The following TEK variants were observed in gnomAD, a reference collection of about 807,000 sequenced individuals.
The protein encoded by TEK is TEK receptor tyrosine kinase.
Under a neutral mutation model 131.8 loss-of-function variants are expected in TEK, and 43 were observed. The ratio of observed to expected loss-of-function variants is 0.33; its 90% CI spans 0.26 to 0.42. The LOEUF (loss-of-function observed/expected upper bound fraction) is 0.42. TEK is among the 10% of genes least tolerant of loss of function. TEK has a pLI of 1.00. For synonymous variants in TEK, 580 were observed against 491.6 expected, an observed-to-expected ratio of 1.18 and a Z score of -2.38; for missense variants, 1,162 against 1,384.4, an observed-to-expected ratio of 0.84 and a Z score of 2.55.
rs1012064047 is a variant in TEK, at chr9:27,114,463, C to T, written c.52+4821C>T. Among the ~76,000 whole-genome samples, 4 of 151,886 alleles carry T rather than the reference C, an allele frequency of 2.6e-5. No individual in the cohort carries two copies. In the East Asian group the frequency reaches 5.8e-4, roughly 22 times the overall value. ...GCATGTGCCTGTAATCCCAGCTACTCGGAAGGTTGAGGCAGGAAAATCTCT... is the reference window on the plus strand; with the variant it reads ...GCATGTGCCTGTAATCCCAGCTACTTGGAAGGTTGAGGCAGGAAAATCTCT... On this transcript the variant is annotated intron_variant, in intron 1 of 22. Transcript: ENST00000380036.
At chr9:27,206,334 G>A (rs563494249) in intron 14 of TEK, among the ~76,000 whole-genome samples, 12 of 152,286 alleles carry the variant, frequency 7.9e-5, no homozygotes, top group South Asian at 6.2e-4. Context: ...TCCTTCCTCC[G>A]TCACCCTTTA....
At chr9:27,174,666 G>C (rs1343131250) in intron 6 of TEK, among the ~76,000 whole-genome samples, 3 of 152,070 alleles carry the variant, frequency 2.0e-5, no homozygotes, top group Non-Finnish European at 2.9e-5. Flanking sequence ...TTACACAAAA[G>C]TAAGCTTCAG....
At chr9:27,143,304 C>T (rs1265454728) in intron 1 of TEK, among the ~76,000 whole-genome samples, 2 of 152,176 alleles carry the variant, frequency 1.3e-5, no homozygotes, top group African/African-American at 4.8e-5. Context: ...AATAAATAGC[C>T]TGACCACACT....
chr9:27,185,551 C>T lies in TEK; in HGVS notation c.1249C>T (p.Pro417Ser), dbSNP rs149712446. 10 of 1,613,842 alleles carry T rather than the reference C, an allele frequency of 6.2e-6. No homozygotes were observed. The East Asian group carries it at 6.7e-5, about 11-fold the overall frequency. Residue 417 changes from proline (P) to serine (S), a missense_variant, in exon 9 of 23, where the codon CCT (proline) becomes TCT (serine). Physicochemically the swap from Pro to Ser is moderately conservative, Grantham distance 74. Transcript: ENST00000380036. ...AIFTIHRILP[P>S]DSGVWVCSVN... The stretch of plus-strand genomic sequence containing the variant: ...ATTCACCATCCACCGGATCCTCCCC[C>T]CTGACTCAGGAGTTTGGGTCTGCAG...
chr9:27,150,831 T>A (rs1331703962), intron 1 of TEK, among the ~76,000 whole-genome samples: 1 of 151,200 alleles, frequency 6.6e-6, no homozygotes, highest in Non-Finnish European at 1.5e-5. Context: ...TCATTCTAAC[T>A]AACACATGTG....
chr9:27,119,320 T>TA (rs1215456720), intron 1 of TEK, among the ~76,000 whole-genome samples: 5 of 152,094 alleles, frequency 3.3e-5, no homozygotes, highest in Non-Finnish European at 5.9e-5. Context: ...GAAGACCTTT[T>TA]AAAAAAAATA....
At chr9:27,136,640 C>T (rs1349283357) in intron 1 of TEK, among the ~76,000 whole-genome samples, 2 of 152,094 alleles carry the variant, frequency 1.3e-5, no homozygotes, top group Non-Finnish European at 2.9e-5. Context: ...GTGAGTACAA[C>T]ACACTGAACT....
intron 2 of TEK, among the ~76,000 whole-genome samples, chr9:27,159,568 T>C (rs1823470126): frequency 6.6e-6 from 1 of 152,136 alleles, no homozygotes; most frequent in Non-Finnish European, 1.5e-5. Context: ...GCCGGAGGAT[T>C]TTGAAAGCCT....
At chr9:27,171,206 A>T (rs1453664265) in intron 4 of TEK, among the ~76,000 whole-genome samples, 1 of 152,208 alleles carries the variant, frequency 6.6e-6, no homozygotes, top group Non-Finnish European at 1.5e-5. Flanking sequence ...CACAAATAGA[A>T]AGAAAATGAT....
intron 19 of TEK, 83 bp from the exon 20 acceptor site, chr9:27,218,694 T>G: frequency 7.1e-7 from 1 of 1,402,686 alleles, no homozygotes; most frequent in South Asian, 1.2e-5. Flanking sequence ...TCAGAAAGGG[T>G]GGGTCTCCCT....
At position 27,229,336 on chromosome 9, in the gene TEK, T is replaced by C. The variant is rs1826472091; in HGVS notation, c.*104T>C. ...TGCCAAAGGATGTGATATATAAGTG[T>C]ACATATGTGCTGTACACCTGGGACC... On this transcript the variant is annotated 3_prime_UTR_variant, in exon 23 of 23. Transcript: ENST00000380036. 1 of 1,116,428 alleles carries C rather than the reference T, an allele frequency of 9.0e-7. No homozygotes were observed. The highest frequency in any genetic ancestry group is 1.4e-6 in the Non-Finnish European group (1 of 732,202). The allele number at this position is 1,116,428 out of a possible 1,614,324, so 69.2% of individuals were successfully genotyped here.
chr9:27,213,334 C>G (rs1374686371), intron 17 of TEK, 150 bp from the exon 18 acceptor site: 5 of 624,730 alleles, frequency 8.0e-6, no homozygotes, highest in South Asian at 6.9e-5. Context: ...AATCCATTAC[C>G]AGGGAATTTT....
intron 13 of TEK, among the ~76,000 whole-genome samples, chr9:27,204,692 TG>T (rs1178972595): frequency 2.1e-5 from 3 of 141,728 alleles, no homozygotes; most frequent in South Asian, 2.2e-4. Context: ...CACTTTTGCA[TG>T]TTTTTTTTTT....
intron 1 of TEK, among the ~76,000 whole-genome samples, chr9:27,141,849 A>G (rs755308911): frequency 3.9e-5 from 6 of 152,256 alleles, no homozygotes; most frequent in Admixed American, 6.5e-5. Flanking sequence ...TCTTTAATTA[A>G]AAAAGAAACA....
At chr9:27,228,133 CCT>C (rs1322306938) in intron 21 of TEK, 71 bp from the exon 22 acceptor site, 6 of 1,300,406 alleles carry the variant, frequency 4.6e-6, no homozygotes, top group Non-Finnish European at 6.6e-6. Context: ...TTCATTCTCT[CCT>C]CTCTTTTCCT....
At chr9:27,113,762 C>G (rs578182588) in intron 1 of TEK, among the ~76,000 whole-genome samples, 1 of 152,180 alleles carries the variant, frequency 6.6e-6, no homozygotes, top group East Asian at 1.9e-4. Flanking sequence ...AATCCTGTCT[C>G]TCAAACTTTG....
rs1316627977 is a variant in TEK, at chr9:27,218,718, G to GGAAAATGAGTGGT, written c.3063-50_3063-49insTGGTGAAAATGAG. On this transcript the variant is annotated intron_variant, in intron 19 of 22. Coordinates refer to ENST00000380036, the MANE Select transcript of TEK (RefSeq NM_000459.5). Reference sequence around the variant, plus strand: ...GTGGGTCTCCCTGGCTTTTGGGGCCGGAAAATGAGCGGTGACTCTGTTTGC... The same window carrying GGAAAATGAGTGGT: ...GTGGGTCTCCCTGGCTTTTGGGGCCGGAAAATGAGTGGTGAAAATGAGCGGTGACTCTGTTTGC... 2.5e-6 allele frequency: 4 copies of GGAAAATGAGTGGT among 1,602,374 alleles called. No homozygotes were observed. The African/African-American group carries it at 5.4e-5, about 21-fold the overall frequency.
intron 1 of TEK, among the ~76,000 whole-genome samples, chr9:27,141,978 T>G (rs1054127577): frequency 1.3e-5 from 2 of 152,220 alleles, no homozygotes; most frequent in African/African-American, 4.8e-5. Context: ...AGCTGCATCT[T>G]GGAAGAGATT....
chr9:27,120,305 T>C (rs963561737), intron 1 of TEK, among the ~76,000 whole-genome samples: 1 of 152,262 alleles, frequency 6.6e-6, no homozygotes, highest in Non-Finnish European at 1.5e-5. Flanking sequence ...TGGTTTCTCT[T>C]TCTAGCATGC....
Sources: gnomAD v4.1 joint callset for allele counts (sites outside exome capture counted in the v4.1 genomes callset) on GRCh38, gnomAD v4.1.1 for gene constraint, MANE v1.5 for transcripts, NCBI Gene and HGNC (gene_info 2026-07-23, HGNC 2026-07-21) for gene names.